Variants in HDAC8 observed in about 807,000 individuals in gnomAD.
HDAC8 encodes histone deacetylase-like 1.
In HDAC8, 1 loss-of-function variant was observed where a neutral mutation model predicts 32.2. The ratio of observed to expected loss-of-function variants is 0.03; its 90% confidence interval spans 0.01 to 0.15. The LOEUF is 0.15. Among genes scored for constraint, HDAC8 ranks in the 10% least tolerant of loss-of-function variants. The pLI is 1.00. For synonymous variants in HDAC8, 108 were observed against 113.9 expected (o/e 0.95, Z 0.33); for missense variants, 117 against 300.0 (o/e 0.39, Z 4.51).
At chrX:72,331,790 T>C (rs2147665133) in intron 10 of HDAC8, among the ~76,000 whole-genome samples, 1 of 112,380 alleles carries the variant, frequency 8.9e-6, no homozygotes, top group South Asian at 3.7e-4. Context: ...CAAGCACTCA[T>C]TTGTGTGTGT....
At chrX:72,343,551 A>G (rs2043945781) in intron 10 of HDAC8, among the ~76,000 whole-genome samples, 1 of 111,603 alleles carries the variant, frequency 9.0e-6, no homozygotes, top group East Asian at 2.8e-4. Flanking sequence ...AGAGGTCTTT[A>G]CTGAATAGCA....
chrX:72,559,361 C>T (rs1422910034), intron 4 of HDAC8, among the ~76,000 whole-genome samples: 2 of 110,011 alleles, frequency 1.8e-5, no homozygotes, highest in Non-Finnish European at 1.9e-5. Flanking sequence ...TGGAGTCTCA[C>T]TCACTCAGTG....
intron 7 of HDAC8, among the ~76,000 whole-genome samples, chrX:72,476,593 T>C (rs1170978111): frequency 2.7e-5 from 3 of 111,401 alleles, no homozygotes; most frequent in African/African-American, 9.8e-5. Context: ...TCAGATAAGG[T>C]TGGATTCAGT....
intron 7 of HDAC8, among the ~76,000 whole-genome samples, chrX:72,470,772 T>C (rs1344634019): frequency 9.0e-6 from 1 of 111,515 alleles, no homozygotes; most frequent in African/African-American, 3.2e-5. Context: ...GACAGTTGAT[T>C]CTACTAAAAA....
At chrX:72,420,720 T>A (rs1039879263) in intron 9 of HDAC8, among the ~76,000 whole-genome samples, 45 of 112,116 alleles carry the variant, frequency 4.0e-4, no homozygotes, top group African/African-American at 1.4e-3. Flanking sequence ...ACATAACGTC[T>A]GACTTTGACT....
chrX:72,402,210 T>C (rs2045921003), intron 9 of HDAC8, among the ~76,000 whole-genome samples: 1 of 111,351 alleles, frequency 9.0e-6, no homozygotes, highest in Non-Finnish European at 1.9e-5. Context: ...AATTTTCATT[T>C]CTGATTTTAG....
At chrX:72,338,647 A>ATT (rs2043790502) in intron 10 of HDAC8, among the ~76,000 whole-genome samples, 1 of 96,256 alleles carries the variant, frequency 1.0e-5, no homozygotes, top group Non-Finnish European at 2.1e-5. Flanking sequence ...CTTGATATAT[A>ATT]TATATATATT....
intron 4 of HDAC8, among the ~76,000 whole-genome samples, chrX:72,554,417 T>C (rs2051194795): frequency 9.4e-6 from 1 of 106,714 alleles, no homozygotes; most frequent in African/African-American, 3.4e-5. Flanking sequence ...GGGAGGCTCA[T>C]GGTCTGGGGC....
intron 9 of HDAC8, among the ~76,000 whole-genome samples, chrX:72,381,118 T>C (rs781901612): frequency 8.9e-6 from 1 of 112,239 alleles, no homozygotes; most frequent in East Asian, 2.8e-4. Flanking sequence ...AGCTTCAGCC[T>C]GGAGGAACTG....
intron 10 of HDAC8, among the ~76,000 whole-genome samples, chrX:72,338,265 G>C (rs2043771729): frequency 9.0e-6 from 1 of 111,578 alleles, no homozygotes; most frequent in Non-Finnish European, 1.9e-5. Flanking sequence ...TAGGTGCTCA[G>C]TACCTATTCA....
chrX:72,474,459 G>A (rs2048272960), intron 7 of HDAC8: 7 of 1,038,568 alleles, frequency 6.7e-6, no homozygotes, highest in Non-Finnish European at 8.6e-6. Context: ...TAACAGTACT[G>A]TTTGCTACAC....
At chrX:72,561,802 A>C (rs1399206697) in intron 4 of HDAC8, among the ~76,000 whole-genome samples, 11 of 112,532 alleles carry the variant, frequency 9.8e-5, no homozygotes, top group Non-Finnish European at 1.9e-4. Flanking sequence ...ACCAATATCC[A>C]GAATTACAAA....
At chrX:72,389,606 T>G (rs1268256218) in intron 9 of HDAC8, among the ~76,000 whole-genome samples, 1 of 112,175 alleles carries the variant, frequency 8.9e-6, no homozygotes, top group African/African-American at 3.2e-5. Context: ...TCTGAGAGAC[T>G]GGGGAAATTA....
intron 9 of HDAC8, among the ~76,000 whole-genome samples, chrX:72,416,494 C>T (rs782538500): frequency 1.2e-5 from 1 of 80,322 alleles, no homozygotes; most frequent in Non-Finnish European, 2.3e-5. Flanking sequence ...TTTGAAGAAC[C>T]AACTTCTTGT....
intron 4 of HDAC8, among the ~76,000 whole-genome samples, chrX:72,547,335 G>T (rs1556058288): frequency 9.2e-6 from 1 of 108,268 alleles, no homozygotes; most frequent in Non-Finnish European, 1.9e-5. Flanking sequence ...AGACTTGATT[G>T]TTGCTTTTCA....
chrX:72,422,445 C>A (rs2046520111), intron 9 of HDAC8, among the ~76,000 whole-genome samples: 1 of 110,133 alleles, frequency 9.1e-6, no homozygotes, highest in Non-Finnish European at 1.9e-5. Context: ...CCTGAAGCCT[C>A]TAGTGAATTG....
chrX:72,548,122 A>T (rs1190317504), intron 4 of HDAC8, among the ~76,000 whole-genome samples: 3 of 111,598 alleles, frequency 2.7e-5, no homozygotes, highest in Non-Finnish European at 3.8e-5. Flanking sequence ...AATCAGAGTT[A>T]TTTTCCTACA....
intron 4 of HDAC8, among the ~76,000 whole-genome samples, chrX:72,507,231 T>C (rs1556019524): frequency 9.0e-6 from 1 of 111,325 alleles, no homozygotes; most frequent in African/African-American, 3.3e-5. Context: ...TTTGCCATTG[T>C]CTCTCAACAG....
chrX:72,570,606 C>CAA (rs200815195), intron 2 of HDAC8, among the ~76,000 whole-genome samples: 654 of 48,134 alleles, frequency 0.014, 15 homozygotes, highest in African/African-American at 0.041. Flanking sequence ...AAGACTCCAT[C>CAA]AAAAAAAAAA....
Sources: allele counts gnomAD v4.1 joint callset (sites outside exome capture counted in the v4.1 genomes callset), GRCh38; gene constraint gnomAD v4.1.1; transcripts MANE v1.5; gene names NCBI Gene and HGNC (gene_info 2026-07-23, HGNC 2026-07-21).